Variants in ANTXR2 observed in about 807,000 individuals in gnomAD.
ANTXR2 encodes the protein anthrax toxin receptor 2.
ANTXR2 carries 44 observed loss-of-function variants against 73.7 expected under a neutral mutation model. The ratio of observed to expected loss-of-function variants is 0.60; its 90% CI spans 0.47 to 0.77. ANTXR2 has a LOEUF of 0.77. Among genes scored for constraint, ANTXR2 ranks in the 30% least tolerant of loss-of-function variants. The probability of loss-of-function intolerance (pLI) is 0.00; values close to 1 mark genes in which losing one functional copy is unlikely to be tolerated. For synonymous variants in ANTXR2, 217 were observed against 205.9 expected (o/e 1.05, Z -0.46); for missense variants, 604 against 592.5 (o/e 1.02, Z -0.20).
At chr4:80,067,012 C>T (rs1734530757) in intron 3 of ANTXR2, among the ~76,000 whole-genome samples, 7 of 152,026 alleles carry the variant, frequency 4.6e-5, no homozygotes, top group Middle Eastern at 3.4e-3. Flanking sequence ...GAGACCATCC[C>T]GGCTAACACG....
At chr4:79,999,495 C>T (rs1000375938) in intron 12 of ANTXR2, among the ~76,000 whole-genome samples, 3 of 151,940 alleles carry the variant, frequency 2.0e-5, no homozygotes, top group African/African-American at 7.2e-5. Flanking sequence ...GGTAGTTCTT[C>T]ATAGGAGTGT....
intron 16 of ANTXR2, among the ~76,000 whole-genome samples, chr4:79,952,757 A>G (rs1339143922): frequency 1.3e-5 from 2 of 151,694 alleles, no homozygotes; most frequent in Non-Finnish European, 2.9e-5. Context: ...AAAAAGCCTT[A>G]AAATGTAGTT....
chr4:80,055,543 TG>T (rs1169848548), intron 4 of ANTXR2, 76 bp from the exon 5 acceptor site: 1 of 1,244,096 alleles, frequency 8.0e-7, no homozygotes, highest in African/African-American at 1.5e-5. Flanking sequence ...AAGCTGAATT[TG>T]TAAGTCTGAC....
intron 11 of ANTXR2, among the ~76,000 whole-genome samples, chr4:80,014,805 G>A (rs764030944): frequency 2.0e-5 from 3 of 152,104 alleles, no homozygotes; most frequent in Non-Finnish European, 4.4e-5. Context: ...CTTGCTCCAA[G>A]TTTTAGCACT....
At position 80,008,510 on chromosome 4, in the gene ANTXR2, T is replaced by A; in HGVS notation, c.1041+11A>T. The stretch of plus-strand genomic sequence containing the variant: ...TTTTTTTAAGTAGAGTTGTAAATCC[T>A]TCTTACTCACCACTTTGCAGCAAAG... On this transcript the variant is annotated intron_variant, in intron 12 of 16. Coordinates refer to ENST00000403729, the MANE Select transcript of ANTXR2 (RefSeq NM_058172.6). The A allele has an allele frequency of 1.3e-6, 2 of 1,595,006 alleles. No homozygotes were observed. The highest frequency in any genetic ancestry group is 1.7e-6 in the Non-Finnish European group (2 of 1,166,202).
intron 16 of ANTXR2, among the ~76,000 whole-genome samples, chr4:79,948,915 A>G (rs2109979772): frequency 6.6e-6 from 1 of 152,216 alleles, no homozygotes; most frequent in East Asian, 1.9e-4. Flanking sequence ...AAACACTTTG[A>G]ATTTCATCAT....
At position 80,008,628 on chromosome 4, in the gene ANTXR2, A is replaced by T; in HGVS notation, c.946-12T>A. 1 of 1,567,632 alleles carries T rather than the reference A, an allele frequency of 6.4e-7. No homozygotes were observed. The highest frequency in any genetic ancestry group is 8.7e-7 in the Non-Finnish European group (1 of 1,155,638). ...GCGATCCCGTTAGACTAAAGTAGGC[A>T]AAAAGCAAAAACAAAGCAGTCAGCA... On this transcript the variant is annotated splice_polypyrimidine_tract_variant and intron_variant, in intron 11 of 16. Transcript: ENST00000403729.
In ANTXR2 at chr4:79,904,082, C is replaced by G. The variant is rs1726816705; in HGVS notation, c.*3347G>C. ...TGGTCTATCAAAATGTTTTAAACAC[C>G]TAATTATCCACAATATAGAATTTGT... On this transcript the variant is annotated 3_prime_UTR_variant, in exon 17 of 17. Transcript: ENST00000403729. The G allele has an allele frequency of 6.8e-6, 1 of 148,000 alleles. No homozygotes were observed. The highest frequency in any genetic ancestry group is 1.5e-5 in the Non-Finnish European group (1 of 66,900). The allele number at this position is 148,000 out of a possible 1,614,324, so 9.2% of individuals were successfully genotyped here. A position where few individuals can be genotyped will look rare whatever the true frequency, so the allele number is the denominator to read the frequency against.
At chr4:79,937,077 A>G (rs2109969043) in intron 16 of ANTXR2, among the ~76,000 whole-genome samples, 1 of 152,196 alleles carries the variant, frequency 6.6e-6, no homozygotes, top group Non-Finnish European at 1.5e-5. Context: ...TAAATACATT[A>G]GCATTAACTT....
chr4:80,023,594 C>T (rs1370901138), intron 10 of ANTXR2, among the ~76,000 whole-genome samples: 1 of 152,138 alleles, frequency 6.6e-6, no homozygotes, highest in African/African-American at 2.4e-5. Context: ...GTGGGAGATT[C>T]AACAGACTTG....
At chr4:80,072,272 A>C (rs1734829259) in intron 1 of ANTXR2, 137 bp downstream of exon 1, 1 of 1,016,024 alleles carries the variant, frequency 9.8e-7, no homozygotes, top group South Asian at 2.2e-5. Context: ...TGCCCTTTGA[A>C]AGAAGACAGC....
intron 11 of ANTXR2, among the ~76,000 whole-genome samples, chr4:80,010,371 C>G (rs1271213120): frequency 1.3e-5 from 2 of 152,116 alleles, no homozygotes; most frequent in Non-Finnish European, 2.9e-5. Flanking sequence ...ATCTCACCTT[C>G]AAAAATATGG....
intron 16 of ANTXR2, among the ~76,000 whole-genome samples, chr4:79,954,526 C>T (rs544544090): frequency 6.6e-6 from 1 of 152,214 alleles, no homozygotes; most frequent in Admixed American, 6.6e-5. Context: ...AGGAGGATCA[C>T]TTGAGCCCAG....
chr4:79,902,547 A>T lies in ANTXR2; in HGVS notation c.*4882T>A, dbSNP rs1275465374. ...GCTTCTTTATATATGTTTTTAAGAC[A>T]CTTGCTAACCCTATGAAACCAGAGT... On this transcript the variant is annotated 3_prime_UTR_variant, in exon 17 of 17. Coordinates refer to ENST00000403729, the MANE Select transcript of ANTXR2 (RefSeq NM_058172.6). The T allele has an allele frequency of 6.6e-6, 1 of 152,168 alleles. No individual in the cohort carries two copies. Among genetic ancestry groups the T allele is most frequent in the East Asian group, 1.9e-4 (1 of 5,188 alleles). The allele number at this position is 152,168 out of a possible 1,614,324, so 9.4% of individuals were successfully genotyped here.
intron 2 of ANTXR2, 93 bp from the exon 3 acceptor site, chr4:80,069,600 G>A: frequency 1.0e-6 from 1 of 999,384 alleles, no homozygotes; most frequent in South Asian, 1.5e-5. Context: ...TTTAAAATTG[G>A]TCTCACTGAA....
At chr4:80,033,607 C>T in intron 8 of ANTXR2, 37 bp from the exon 9 acceptor site, 1 of 1,454,248 alleles carries the variant, frequency 6.9e-7, no homozygotes, top group Non-Finnish European at 9.3e-7. Context: ...TTAATCACTG[C>T]TTTACCAAAA....
At chr4:79,932,310 C>T (rs1379451990) in intron 16 of ANTXR2, among the ~76,000 whole-genome samples, 1 of 149,880 alleles carries the variant, frequency 6.7e-6, no homozygotes, top group Non-Finnish European at 1.5e-5. Flanking sequence ...TTTTTTTTGA[C>T]CAAGTCATAT....
chr4:80,010,695 T>C (rs765442597), intron 11 of ANTXR2, among the ~76,000 whole-genome samples: 1 of 152,138 alleles, frequency 6.6e-6, no homozygotes, highest in South Asian at 2.1e-4. Context: ...GAACACAAAG[T>C]AGATGGGCTA....
chr4:80,004,622 A>T (rs1731217974), intron 12 of ANTXR2, among the ~76,000 whole-genome samples: 1 of 151,962 alleles, frequency 6.6e-6, no homozygotes, highest in African/African-American at 2.4e-5. Context: ...TCTATAGTCT[A>T]ATCTCCCTCT....
Sources: allele counts gnomAD v4.1 joint callset (sites outside exome capture counted in the v4.1 genomes callset), GRCh38; gene constraint gnomAD v4.1.1; transcripts MANE v1.5; gene names NCBI Gene and HGNC (gene_info 2026-07-23, HGNC 2026-07-21).